The following TNFRSF19 variants were observed in gnomAD, a reference collection of about 807,000 sequenced individuals.
The protein encoded by TNFRSF19 is TNF receptor superfamily member 19.
TNFRSF19 carries 27 observed loss-of-function variants against 46.4 expected under a neutral mutation model. That is an observed-to-expected ratio of 0.58 (90% CI 0.43 to 0.80). The LOEUF is 0.80. Ranked by LOEUF, TNFRSF19 falls within the 30% of genes least tolerant of loss-of-function variation. TNFRSF19 has a pLI of 0.00. For synonymous variants in TNFRSF19, 204 were observed against 205.0 expected, an observed-to-expected ratio of 1.00 and a Z score of 0.04; for missense variants, 511 against 530.8, an observed-to-expected ratio of 0.96 and a Z score of 0.37.
At chr13:23,658,570 C>G (rs916496804) in intron 5 of TNFRSF19, among the ~76,000 whole-genome samples, 2 of 152,210 alleles carry the variant, frequency 1.3e-5, no homozygotes, top group African/African-American at 4.8e-5. Context: ...CTGGGGTCTA[C>G]TGTAAGGTTC....
chr13:23,592,144 A>G (rs946311504), intron 2 of TNFRSF19, among the ~76,000 whole-genome samples: 2 of 152,142 alleles, frequency 1.3e-5, no homozygotes, highest in African/African-American at 4.8e-5. Context: ...TCCTGCTTCA[A>G]GGTGGAGAAG....
intron 7 of TNFRSF19, among the ~76,000 whole-genome samples, chr13:23,665,991 A>G (rs189730051): frequency 7.1e-4 from 108 of 152,258 alleles, no homozygotes; most frequent in African/African-American, 2.6e-3. Flanking sequence ...TCAAAATTCT[A>G]CAGTTTTGTA....
intron 7 of TNFRSF19, among the ~76,000 whole-genome samples, chr13:23,667,119 T>TTATATATA (rs1951649405): frequency 1.4e-5 from 1 of 69,188 alleles, no homozygotes; most frequent in South Asian, 4.8e-4. Context: ...TAAATCAGAG[T>TTATATATA]GATATATATA....
intron 3 of TNFRSF19, among the ~76,000 whole-genome samples, chr13:23,611,618 G>A (rs1489056862): frequency 1.3e-5 from 2 of 152,144 alleles, no homozygotes; most frequent in Non-Finnish European, 1.5e-5. Context: ...CTTGTCAAAA[G>A]GCTAAACTCA....
At chr13:23,650,897 T>G (rs1883590486) in intron 5 of TNFRSF19, among the ~76,000 whole-genome samples, 1 of 152,226 alleles carries the variant, frequency 6.6e-6, no homozygotes, top group Non-Finnish European at 1.5e-5. Flanking sequence ...CGAAGCCTTC[T>G]TCTTTCACAT....
chr13:23,643,560 G>A (rs1385311404), intron 5 of TNFRSF19, among the ~76,000 whole-genome samples: 1 of 152,150 alleles, frequency 6.6e-6, no homozygotes, highest in Non-Finnish European at 1.5e-5. Flanking sequence ...TTTCAGAACG[G>A]ATATAAACAT....
chr13:23,667,865 C>T, intron 7 of TNFRSF19, 115 bp from the exon 8 acceptor site: 1 of 860,448 alleles, frequency 1.2e-6, no homozygotes, highest in South Asian at 2.1e-5. Flanking sequence ...TCCTTTTCCC[C>T]CAAAAGTCAC....
chr13:23,632,142 T>G (rs1416896618), intron 5 of TNFRSF19, among the ~76,000 whole-genome samples: 1 of 152,136 alleles, frequency 6.6e-6, no homozygotes, highest in Non-Finnish European at 1.5e-5. Flanking sequence ...AAGGACTAAT[T>G]AAGGGCTCCA....
chr13:23,672,712 C>T (rs1352821527), intron 9 of TNFRSF19, among the ~76,000 whole-genome samples: 1 of 152,204 alleles, frequency 6.6e-6, no homozygotes, highest in African/African-American at 2.4e-5. Flanking sequence ...AGGGTTAATA[C>T]ATGAAATTAA....
intron 3 of TNFRSF19, among the ~76,000 whole-genome samples, chr13:23,602,653 A>G (rs957751307): frequency 6.6e-6 from 1 of 152,148 alleles, no homozygotes; most frequent in Admixed American, 6.6e-5. Context: ...TAGAAATCGT[A>G]TAGTGTCTGC....
At chr13:23,621,948 C>A (rs1257529802) in intron 4 of TNFRSF19, among the ~76,000 whole-genome samples, 1 of 151,776 alleles carries the variant, frequency 6.6e-6, no homozygotes, top group African/African-American at 2.4e-5. Flanking sequence ...GAGACTGTCT[C>A]AAAACAAACA....
chr13:23,667,869 A>C, intron 7 of TNFRSF19, 111 bp from the exon 8 acceptor site: 1 of 887,014 alleles, frequency 1.1e-6, no homozygotes, highest in Non-Finnish European at 1.6e-6. Context: ...TTTCCCCCAA[A>C]AGTCACCCAA....
chr13:23,644,210 G>A (rs955128522), intron 5 of TNFRSF19, among the ~76,000 whole-genome samples: 3 of 152,202 alleles, frequency 2.0e-5, no homozygotes, highest in Non-Finnish European at 4.4e-5. Flanking sequence ...TTGCATAGCT[G>A]TACTGGTTTT....
intron 1 of TNFRSF19, among the ~76,000 whole-genome samples, chr13:23,583,370 G>A (rs1222446326): frequency 6.6e-6 from 1 of 152,142 alleles, no homozygotes; most frequent in Non-Finnish European, 1.5e-5. Flanking sequence ...AAGTGGGTAT[G>A]AACATAATTT....
intron 4 of TNFRSF19, among the ~76,000 whole-genome samples, chr13:23,625,326 CTTTTTT>C (rs67965421): frequency 2.8e-5 from 3 of 107,330 alleles, no homozygotes; most frequent in South Asian, 3.2e-4. Context: ...TGATTGTATT[CTTTTTT>C]TTTTTTTTTT....
intron 1 of TNFRSF19, among the ~76,000 whole-genome samples, chr13:23,587,768 A>T (rs1474225587): frequency 6.6e-6 from 1 of 152,176 alleles, no homozygotes; most frequent in Non-Finnish European, 1.5e-5. Context: ...TTTCTCTTCC[A>T]TTATATGGGG....
chr13:23,620,375 G>GA (rs1881575370), intron 4 of TNFRSF19, among the ~76,000 whole-genome samples: 1 of 152,186 alleles, frequency 6.6e-6, no homozygotes, highest in South Asian at 2.1e-4. Flanking sequence ...CTGTCCATAG[G>GA]CCGAGGTCCC....
chr13:23,593,403 C>A lies in TNFRSF19; in HGVS notation c.128C>A (p.Ser43Tyr). ...AGACAGCAAGAATTCAGGGATCGGT[C>A]TGGAAACTGTGTTCCCTGCAACCAG... ...DCRQQEFRDR[S>Y]GNCVPCNQCG... The change falls in exon 3 of 10, where the codon TCT (serine) becomes TAT (tyrosine). Residue 43 changes from serine (S) to tyrosine (Y), a missense_variant. Ser to Tyr is a moderately radical substitution (Grantham distance 144). Around this residue, in one of 3 missense-constraint regions of TNFRSF19, gnomAD observed 121 missense variants for 124.1 expected, o/e 0.98. Transcript: ENST00000248484. 1 of 1,602,504 alleles carries A rather than the reference C, an allele frequency of 6.2e-7. No individual in the cohort carries two copies. The highest frequency in any genetic ancestry group is 1.1e-5 in the South Asian group (1 of 88,128).
In TNFRSF19 at chr13:23,675,376, G is replaced by A. The variant is rs1156770803; in HGVS notation, c.*1996G>A. ...ATATATTTTCCATATGTAGAGCCCT[G>A]ATTAACTTCAAGGACAAACACTGGC... On this transcript the variant is annotated 3_prime_UTR_variant, in exon 10 of 10. Transcript: ENST00000248484. 6.6e-6 allele frequency: 1 copy of A among 152,184 alleles called. No homozygotes were observed. The highest frequency in any genetic ancestry group is 1.5e-5 in the Non-Finnish European group (1 of 68,036). 9.4% of individuals were successfully genotyped at this position (152,184 alleles called of 1,614,324 possible).
Sources: allele counts gnomAD v4.1 joint callset (sites outside exome capture counted in the v4.1 genomes callset), GRCh38; gene constraint gnomAD v4.1.1; regional missense constraint gnomAD v4.1.1; transcripts MANE v1.5; gene names NCBI Gene and HGNC (gene_info 2026-07-23, HGNC 2026-07-21).